ST6GAL1: variants seen among roughly 807,000 people sequenced by gnomAD.
ST6GAL1 encodes the protein beta-galactoside alpha-2,6-sialyltransferase 1.
ST6GAL1 carries 20 observed loss-of-function variants against 38.0 expected under a neutral mutation model. The observed-to-expected ratio is 0.53, with a 90% CI of 0.37 to 0.77. The LOEUF (loss-of-function observed/expected upper bound fraction) is 0.77. ST6GAL1 is among the 30% of genes least tolerant of loss of function. The pLI, the probability that ST6GAL1 is intolerant of heterozygous loss-of-function variation, is 0.00. For missense variants in ST6GAL1, 432 were observed against 496.4 expected (o/e 0.87, Z 1.23); for synonymous variants, 196 against 188.2 (o/e 1.04, Z -0.34).
intron 2 of ST6GAL1, among the ~76,000 whole-genome samples, chr3:186,966,669 T>TA (rs1365020357): frequency 1.3e-5 from 2 of 152,164 alleles, no homozygotes; most frequent in Non-Finnish European, 2.9e-5. Flanking sequence ...CTCTTCCTTG[T>TA]AGTGTAAGAT....
intron 4 of ST6GAL1, among the ~76,000 whole-genome samples, chr3:187,051,034 T>C (rs569731320): frequency 2.2e-4 from 33 of 152,300 alleles, no homozygotes; most frequent in African/African-American, 7.7e-4. Context: ...TATGGCCCCC[T>C]TCAGCCCTTA....
At chr3:187,021,847 G>C (rs1169313687) in intron 2 of ST6GAL1, 1 of 152,080 alleles carries the variant, frequency 6.6e-6, no homozygotes, top group Non-Finnish European at 1.5e-5. Flanking sequence ...AAGAGGACAG[G>C]GTTGGGTGAA....
chr3:187,060,321 C>T (rs537529544), intron 5 of ST6GAL1, among the ~76,000 whole-genome samples: 7 of 152,176 alleles, frequency 4.6e-5, no homozygotes, highest in African/African-American at 1.4e-4. Flanking sequence ...CAACCATGCC[C>T]GACTAATTTT....
chr3:186,937,124 A>C (rs1053758329), intron 1 of ST6GAL1, among the ~76,000 whole-genome samples: 1 of 152,142 alleles, frequency 6.6e-6, no homozygotes, highest in Non-Finnish European at 1.5e-5. Flanking sequence ...ATGGTTGAGA[A>C]CATACTGTAT....
chr3:187,032,211 A>T (rs1405432482), intron 2 of ST6GAL1, among the ~76,000 whole-genome samples: 1 of 152,196 alleles, frequency 6.6e-6, no homozygotes, highest in Non-Finnish European at 1.5e-5. Flanking sequence ...ATCTTCTTAG[A>T]GGGCAAGGTT....
At position 186,952,624 on chromosome 3, in the gene ST6GAL1, A is replaced by G. The variant is rs1420222895; in HGVS notation, c.-324-11161A>G. On this transcript the variant is annotated intron_variant, in intron 1 of 7. Coordinates refer to ENST00000169298, the MANE Select transcript of ST6GAL1 (RefSeq NM_173216.2). This position sits in a 1 kb window ranked among gnomAD's most constrained non-coding sequence, Gnocchi z 4.1. ...GGTTCAAGCGCTTCTCTGTTGGCTC[A>G]TTTTCACTTGGTCACTGTGGAGTGC... Among the ~76,000 whole-genome samples, 1 of 151,816 alleles carries G rather than the reference A, an allele frequency of 6.6e-6. No individual in the cohort carries two copies. The highest frequency in any genetic ancestry group is 1.5e-5 in the Non-Finnish European group (1 of 67,956).
intron 2 of ST6GAL1, among the ~76,000 whole-genome samples, chr3:186,983,161 A>C (rs766063890): frequency 6.1e-4 from 93 of 152,322 alleles, no homozygotes; most frequent in Non-Finnish European, 1.0e-3. Context: ...AGCCAATAAA[A>C]TGTTTCCATT....
At chr3:187,021,641 G>A (rs1717304593) in intron 2 of ST6GAL1, among the ~76,000 whole-genome samples, 1 of 151,268 alleles carries the variant, frequency 6.6e-6, no homozygotes, top group Non-Finnish European at 1.5e-5. Context: ...TCGGGAGGCT[G>A]AGGCAGGAAG....
At chr3:187,001,506 A>G (rs1293513150) in intron 2 of ST6GAL1, among the ~76,000 whole-genome samples, 1 of 152,184 alleles carries the variant, frequency 6.6e-6, no homozygotes, top group Non-Finnish European at 1.5e-5. Context: ...TGCTTTCTGG[A>G]GGCCCACTTT....
At chr3:187,041,100 T>G (rs1285464619) in intron 3 of ST6GAL1, among the ~76,000 whole-genome samples, 1 of 152,232 alleles carries the variant, frequency 6.6e-6, no homozygotes, top group African/African-American at 2.4e-5. Flanking sequence ...GAATACCTTC[T>G]GTGCCTTTTT....
intron 2 of ST6GAL1, among the ~76,000 whole-genome samples, chr3:187,027,236 C>G (rs1333740938): frequency 6.6e-6 from 1 of 152,160 alleles, no homozygotes; most frequent in Non-Finnish European, 1.5e-5. Flanking sequence ...CACTCCATTT[C>G]TGTACTTTTC....
At chr3:186,976,761 G>A (rs953066305) in intron 2 of ST6GAL1, among the ~76,000 whole-genome samples, 2 of 152,182 alleles carry the variant, frequency 1.3e-5, no homozygotes, top group African/African-American at 4.8e-5. Context: ...CAAAGTAGGT[G>A]TCATTACCCT....
At chr3:186,958,884 C>T (rs571309396) in intron 1 of ST6GAL1, among the ~76,000 whole-genome samples, 2 of 147,614 alleles carry the variant, frequency 1.4e-5, no homozygotes, top group South Asian at 2.1e-4. Context: ...ACGTGGGAGG[C>T]GGAGGTTGCG....
chr3:187,060,237 T>G (rs1579372018), intron 5 of ST6GAL1, among the ~76,000 whole-genome samples: 1 of 152,172 alleles, frequency 6.6e-6, no homozygotes, highest in Non-Finnish European at 1.5e-5. Context: ...CTCAGCTCAC[T>G]GCAAACACCA....
chr3:187,020,925 G>C (rs1457551702), intron 2 of ST6GAL1, among the ~76,000 whole-genome samples: 2 of 152,020 alleles, frequency 1.3e-5, no homozygotes, highest in East Asian at 3.9e-4. Flanking sequence ...ATCTCAAAGT[G>C]GGGGAGGGTG....
At chr3:187,006,642 G>A (rs1037323833) in intron 2 of ST6GAL1, 1 of 152,210 alleles carries the variant, frequency 6.6e-6, no homozygotes, top group Non-Finnish European at 1.5e-5. Context: ...TGAGGAAACT[G>A]AGGTAAAAAG....
chr3:187,039,346 C>A (rs1424453173), intron 3 of ST6GAL1, among the ~76,000 whole-genome samples: 1 of 152,186 alleles, frequency 6.6e-6, no homozygotes, highest in Admixed American at 6.5e-5. Flanking sequence ...AATAATCTTT[C>A]ATTGAGTATC....
At chr3:186,971,683 T>A (rs1314340438) in intron 2 of ST6GAL1, among the ~76,000 whole-genome samples, 1 of 152,164 alleles carries the variant, frequency 6.6e-6, no homozygotes, top group East Asian at 1.9e-4. Flanking sequence ...CCATGAAAAG[T>A]GATATTTTAT....
intron 7 of ST6GAL1, 106 bp downstream of exon 7, chr3:187,074,439 C>A: frequency 7.9e-7 from 1 of 1,260,834 alleles, no homozygotes; most frequent in Non-Finnish European, 1.1e-6. Context: ...GTTCACTAAA[C>A]AATTGCTAGG....
Sources: allele counts gnomAD v4.1 joint callset (sites outside exome capture counted in the v4.1 genomes callset), GRCh38; gene constraint gnomAD v4.1.1; non-coding constraint Gnocchi (gnomAD v3.1); transcripts MANE v1.5; gene names NCBI Gene and HGNC (gene_info 2026-07-23, HGNC 2026-07-21).